The following MNAT1 variants were observed in gnomAD, a reference collection of about 807,000 sequenced individuals.
The protein encoded by MNAT1 is MNAT1 component of CDK activating kinase.
Under a neutral mutation model 42.0 loss-of-function variants are expected in MNAT1, and 43 were observed. That is an observed-to-expected ratio of 1.02 (90% CI 0.80 to 1.32). The LOEUF is 1.32. Ranked by LOEUF, MNAT1 falls within the 40% of genes most tolerant of loss-of-function variation. The pLI is 0.00. For missense variants in MNAT1, 306 were observed against 350.4 expected (o/e 0.87, Z 1.01); for synonymous variants, 118 against 120.0 (o/e 0.98, Z 0.11).
Position 60,958,255 on chromosome 14 carries a change from G to T in MNAT1, c.810-9974G>T, listed in dbSNP as rs191673238. On this transcript the variant is annotated intron_variant, in intron 7 of 7. Transcript: ENST00000261245. ...CCCTCAGTTTTGTTTGTCTGGAAAAGTCTTTGTCCCTCATTGGTGAAGGAT... is the reference window on the plus strand; with the variant it reads ...CCCTCAGTTTTGTTTGTCTGGAAAATTCTTTGTCCCTCATTGGTGAAGGAT... Among the ~76,000 whole-genome samples the T allele has an allele frequency of 1.1e-4, 16 of 152,274 alleles. No individual in the cohort carries two copies. The East Asian group carries it at 1.5e-3, about 15-fold the overall frequency.
At chr14:60,812,222 A>G in intron 5 of MNAT1, 95 bp downstream of exon 5, 1 of 1,206,700 alleles carries the variant, frequency 8.3e-7, no homozygotes. Context: ...GCTTTTCCAC[A>G]GTGTTTGTAA....
intron 7 of MNAT1, among the ~76,000 whole-genome samples, chr14:60,946,638 C>G (rs1478594550): frequency 1.3e-5 from 2 of 152,064 alleles, no homozygotes; most frequent in Non-Finnish European, 2.9e-5. Flanking sequence ...TTCTCATTCA[C>G]TATCACTAAT....
chr14:60,795,181 C>G (rs1402877246), intron 1 of MNAT1, among the ~76,000 whole-genome samples: 1 of 152,064 alleles, frequency 6.6e-6, no homozygotes, highest in African/African-American at 2.4e-5. Flanking sequence ...TAAATCAAGC[C>G]ACATCCTTGG....
intron 7 of MNAT1, among the ~76,000 whole-genome samples, chr14:60,927,667 C>T (rs569862182): frequency 3.3e-5 from 5 of 152,300 alleles, no homozygotes; most frequent in African/African-American, 9.6e-5. Flanking sequence ...CTTTGAACCA[C>T]GTATTCTTCC....
chr14:60,770,003 G>C (rs916511584), intron 1 of MNAT1, among the ~76,000 whole-genome samples: 5 of 152,066 alleles, frequency 3.3e-5, no homozygotes, highest in Admixed American at 1.3e-4. Context: ...TAGTTCAGTA[G>C]TAAGTATATT....
intron 7 of MNAT1, among the ~76,000 whole-genome samples, chr14:60,949,287 T>C (rs2036338440): frequency 6.6e-6 from 1 of 152,136 alleles, no homozygotes; most frequent in Admixed American, 6.6e-5. Flanking sequence ...AGGAAAACTG[T>C]GTGGCCTGTT....
chr14:60,939,304 G>T (rs2036082586), intron 7 of MNAT1, among the ~76,000 whole-genome samples: 1 of 152,094 alleles, frequency 6.6e-6, no homozygotes, highest in South Asian at 2.1e-4. Flanking sequence ...TGCTTCTCTA[G>T]TTCTTTTAAT....
At chr14:60,914,334 G>C (rs1459662245) in intron 7 of MNAT1, among the ~76,000 whole-genome samples, 3 of 152,152 alleles carry the variant, frequency 2.0e-5, no homozygotes, top group Admixed American at 6.5e-5. Context: ...CCACTGTCCT[G>C]CACCCACTGT....
chr14:60,958,229 T>A (rs990352030), intron 7 of MNAT1, among the ~76,000 whole-genome samples: 5 of 152,204 alleles, frequency 3.3e-5, no homozygotes, highest in Non-Finnish European at 5.9e-5. Context: ...AGTGATGAAC[T>A]CCCTCAGTTT....
intron 3 of MNAT1, among the ~76,000 whole-genome samples, chr14:60,807,575 T>G (rs2032411649): frequency 6.6e-6 from 1 of 152,194 alleles, no homozygotes; most frequent in Non-Finnish European, 1.5e-5. Flanking sequence ...AGGTCTTTTT[T>G]TAATTGTTCA....
At chr14:60,878,830 A>G (rs1029041236) in intron 6 of MNAT1, among the ~76,000 whole-genome samples, 4 of 152,158 alleles carry the variant, frequency 2.6e-5, no homozygotes, top group African/African-American at 9.6e-5. Context: ...GATCTTGATC[A>G]CAGTTGCTTA....
At chr14:60,850,118 T>C (rs2033786877) in intron 6 of MNAT1, among the ~76,000 whole-genome samples, 1 of 152,224 alleles carries the variant, frequency 6.6e-6, no homozygotes, top group South Asian at 2.1e-4. Context: ...ATTATAGGTG[T>C]GGGCCACCTC....
chr14:60,908,082 CATT>C, intron 7 of MNAT1, among the ~76,000 whole-genome samples: 1 of 152,062 alleles, frequency 6.6e-6, no homozygotes, highest in African/African-American at 2.4e-5. Flanking sequence ...TTAATGCACT[CATT>C]GACAAATCTG....
intron 1 of MNAT1, among the ~76,000 whole-genome samples, chr14:60,736,613 C>T (rs1227436407): frequency 6.6e-6 from 1 of 152,034 alleles, no homozygotes; most frequent in Non-Finnish European, 1.5e-5. Flanking sequence ...GAAATGTGAA[C>T]AAAATGAGTG....
intron 1 of MNAT1, among the ~76,000 whole-genome samples, chr14:60,745,629 C>T (rs1253877924): frequency 6.6e-6 from 1 of 152,130 alleles, no homozygotes; most frequent in Non-Finnish European, 1.5e-5. Context: ...GTTGCCCAGG[C>T]TGGTCTTGAA....
intron 1 of MNAT1, among the ~76,000 whole-genome samples, chr14:60,786,118 T>C (rs938275638): frequency 2.6e-5 from 4 of 151,916 alleles, no homozygotes; most frequent in Non-Finnish European, 4.4e-5. Flanking sequence ...AATAGAAAAG[T>C]AGAAATTAGT....
At chr14:60,745,097 G>T (rs1896576690) in intron 1 of MNAT1, among the ~76,000 whole-genome samples, 1 of 152,136 alleles carries the variant, frequency 6.6e-6, no homozygotes, top group African/African-American at 2.4e-5. Flanking sequence ...CTGCCTATTT[G>T]GCTTAGCACA....
At chr14:60,844,430 C>T (rs1241562095) in intron 6 of MNAT1, among the ~76,000 whole-genome samples, 1 of 152,018 alleles carries the variant, frequency 6.6e-6, no homozygotes, top group Non-Finnish European at 1.5e-5. Flanking sequence ...TTGTGTTAGA[C>T]TTATTGTCAT....
At chr14:60,856,292 T>G (rs1433392204) in intron 6 of MNAT1, among the ~76,000 whole-genome samples, 1 of 152,202 alleles carries the variant, frequency 6.6e-6, no homozygotes, top group Non-Finnish European at 1.5e-5. Context: ...TGGAGAAAGT[T>G]TCAGTGGTCT....
Sources: allele counts gnomAD v4.1 joint callset (sites outside exome capture counted in the v4.1 genomes callset), GRCh38; gene constraint gnomAD v4.1.1; transcripts MANE v1.5; gene names NCBI Gene and HGNC (gene_info 2026-07-23, HGNC 2026-07-21).